PCDH15: variants seen among roughly 807,000 people sequenced by gnomAD.
PCDH15 encodes protocadherin related 15.
Under a neutral mutation model 178.5 loss-of-function variants are expected in PCDH15, and 129 were observed. The observed-to-expected ratio is 0.72, with a 90% CI of 0.63 to 0.84. PCDH15 has a LOEUF of 0.84. Among genes scored for constraint, PCDH15 ranks in the 40% least tolerant of loss-of-function variants. PCDH15 has a pLI of 0.00. For synonymous variants in PCDH15, 800 were observed against 732.0 expected, an observed-to-expected ratio of 1.09 and a Z score of -1.50; for missense variants, 2,230 against 2,099.9, an observed-to-expected ratio of 1.06 and a Z score of -1.21.
intron 8 of PCDH15, among the ~76,000 whole-genome samples, chr10:54,308,303 G>C (rs186853336): frequency 1.6e-4 from 25 of 152,018 alleles, no homozygotes; most frequent in African/African-American, 5.8e-4. Context: ...TAGCTCAAAG[G>C]TTAATTTAAA....
At chr10:54,075,788 A>G (rs1364944814) in intron 17 of PCDH15, among the ~76,000 whole-genome samples, 14 of 152,176 alleles carry the variant, frequency 9.2e-5, no homozygotes, top group African/African-American at 3.4e-4. Flanking sequence ...TGGATTTTCT[A>G]TTAAATTACA....
chr10:54,091,789 G>A (rs965403680), intron 15 of PCDH15, among the ~76,000 whole-genome samples: 2 of 152,060 alleles, frequency 1.3e-5, no homozygotes, highest in Non-Finnish European at 2.9e-5. Flanking sequence ...TTCCTTTGCT[G>A]ATTTCTCCTC....
intron 9 of PCDH15, among the ~76,000 whole-genome samples, chr10:54,221,077 C>T (rs143292194): frequency 2.0e-5 from 3 of 152,098 alleles, no homozygotes; most frequent in Non-Finnish European, 4.4e-5. Flanking sequence ...CCTGTAGTCC[C>T]ACCTACTGGG....
At chr10:54,756,366 T>A (rs1947111870) in intron 1 of PCDH15, among the ~76,000 whole-genome samples, 4 of 152,302 alleles carry the variant, frequency 2.6e-5, no homozygotes, top group Admixed American at 2.0e-4. Flanking sequence ...CATTACGTAA[T>A]AAGAGCCCAT....
chr10:53,879,376 A>C (rs1033276751), intron 26 of PCDH15, among the ~76,000 whole-genome samples: 3 of 152,198 alleles, frequency 2.0e-5, no homozygotes, highest in African/African-American at 7.2e-5. Flanking sequence ...ATAATGATAC[A>C]GATATAATAA....
intron 1 of PCDH15, among the ~76,000 whole-genome samples, chr10:54,712,004 G>C (rs2095432159): frequency 6.6e-6 from 1 of 151,808 alleles, no homozygotes; most frequent in African/African-American, 2.4e-5. Context: ...TTATACAAAT[G>C]AATATTACAC....
intron 2 of PCDH15, among the ~76,000 whole-genome samples, chr10:55,039,978 A>G (rs926969684): frequency 7.2e-5 from 11 of 152,114 alleles, no homozygotes; most frequent in Non-Finnish European, 1.3e-4. Context: ...GAAAAGGAGT[A>G]ATGGAACATT....
rs960587458 is a variant in PCDH15 at position 55,352,108 on chromosome 10, T to G, written c.-155-185457A>C. ...TTACTCAACTTCAAAGAGCTAATGT[T>G]GGTGCAAAAATAATTGCAGTTTTTG... On this transcript the variant is annotated intron_variant, in intron 2 of 5. Coordinates refer to the PCDH15 transcript ENST00000613346. Among the ~76,000 whole-genome samples, 11 of 152,276 alleles carry G rather than the reference T, an allele frequency of 7.2e-5. No individual in the cohort carries two copies. The East Asian group carries it at 2.1e-3, about 29-fold the overall frequency.
At chr10:55,213,413 G>A (rs890827559) in intron 1 of PCDH15, among the ~76,000 whole-genome samples, 3 of 151,954 alleles carry the variant, frequency 2.0e-5, no homozygotes, top group South Asian at 2.1e-4. Context: ...TAGAACATTC[G>A]ATTAAAACAG....
chr10:53,956,868 A>G (rs997471488), intron 23 of PCDH15, among the ~76,000 whole-genome samples: 1 of 152,198 alleles, frequency 6.6e-6, no homozygotes, highest in African/African-American at 2.4e-5. Context: ...TTATTAAGAG[A>G]ATCTATTTGT....
chr10:54,985,284 T>C (rs1232230616), intron 2 of PCDH15, among the ~76,000 whole-genome samples: 1 of 152,078 alleles, frequency 6.6e-6, no homozygotes, highest in Non-Finnish European at 1.5e-5. Context: ...GGACTCTCAA[T>C]AAAAAGGGAT....
At chr10:54,883,678 A>G (rs1306969666) in intron 3 of PCDH15, among the ~76,000 whole-genome samples, 1 of 151,960 alleles carries the variant, frequency 6.6e-6, no homozygotes, top group African/African-American at 2.4e-5. Flanking sequence ...ACTTCATTAC[A>G]CTATAGAAAT....
At chr10:53,937,554 T>C (rs981509417) in intron 25 of PCDH15, among the ~76,000 whole-genome samples, 1 of 152,192 alleles carries the variant, frequency 6.6e-6, no homozygotes, top group Non-Finnish European at 1.5e-5. Context: ...GAGTGATGCA[T>C]AATTATTGAG....
At chr10:55,505,727 C>T (rs1840746354) in intron 2 of PCDH15, among the ~76,000 whole-genome samples, 1 of 151,476 alleles carries the variant, frequency 6.6e-6, no homozygotes, top group Non-Finnish European at 1.5e-5. Context: ...AAGACTAGCA[C>T]AATCTATTCC....
At chr10:55,396,573 C>G (rs1481215974) in intron 2 of PCDH15, among the ~76,000 whole-genome samples, 2 of 152,052 alleles carry the variant, frequency 1.3e-5, no homozygotes, top group Non-Finnish European at 2.9e-5. Context: ...AATAGAAAAG[C>G]CAAGCAAGAA....
At chr10:55,328,435 C>A (rs932670566) in intron 2 of PCDH15, among the ~76,000 whole-genome samples, 1 of 151,936 alleles carries the variant, frequency 6.6e-6, no homozygotes, top group South Asian at 2.1e-4. Flanking sequence ...ATACTGAATA[C>A]TGTAGGCAAT....
At chr10:54,126,200 A>G (rs931153004) in intron 15 of PCDH15, among the ~76,000 whole-genome samples, 1 of 151,618 alleles carries the variant, frequency 6.6e-6, no homozygotes, top group Non-Finnish European at 1.5e-5. Context: ...CCTCCCAAGT[A>G]TCTGGGATTA....
intron 1 of PCDH15, among the ~76,000 whole-genome samples, chr10:54,673,734 G>A (rs912522150): frequency 1.1e-4 from 16 of 152,030 alleles, no homozygotes; most frequent in Admixed American, 5.9e-4. Context: ...CACTGTGCCC[G>A]GCCAACATAT....
intron 1 of PCDH15, among the ~76,000 whole-genome samples, chr10:55,314,653 G>T (rs539012739): frequency 2.0e-5 from 3 of 151,386 alleles, no homozygotes; most frequent in African/African-American, 4.8e-5. Context: ...AGAGACAAAA[G>T]AATCAGTTAT....
Sources: gnomAD v4.1 joint callset for allele counts (sites outside exome capture counted in the v4.1 genomes callset) on GRCh38, gnomAD v4.1.1 for gene constraint, MANE v1.5 for transcripts, NCBI Gene and HGNC (gene_info 2026-07-23, HGNC 2026-07-21) for gene names.